The following TNNI3K variants were observed in gnomAD, a reference collection of about 807,000 sequenced individuals.
The protein encoded by TNNI3K is serine/threonine-protein kinase TNNI3K.
A neutral mutation model predicts 114.5 loss-of-function variants in TNNI3K; 140 were observed. That is an observed-to-expected ratio of 1.22 (90% CI 1.07 to 1.41). TNNI3K has a LOEUF of 1.41. Ranked by LOEUF, TNNI3K falls within the 40% of genes most tolerant of loss-of-function variation. The pLI is 0.00. For synonymous variants in TNNI3K, 347 were observed against 347.5 expected (o/e 1.00, Z 0.02); for missense variants, 1,125 against 1,007.6 (o/e 1.12, Z -1.58).
intron 23 of TNNI3K, among the ~76,000 whole-genome samples, chr1:74,494,413 T>C (rs916230053): frequency 6.6e-6 from 1 of 152,124 alleles, no homozygotes; most frequent in African/African-American, 2.4e-5. Flanking sequence ...TGTCATGAAA[T>C]TAAGTATTAG....
chr1:74,354,233 C>G lies in TNNI3K; in HGVS notation c.1177+104C>G, dbSNP rs957453250. On this transcript the variant is annotated intron_variant, in intron 11 of 24. Coordinates refer to ENST00000326637, the MANE Select transcript of TNNI3K (RefSeq NM_015978.3). ...TTTGCTTGCATGACTTGAACACTCT[C>G]ATTTCTTCTGTAGATTTTACTTGAG... 3.3e-6 allele frequency: 5 copies of G among 1,527,678 alleles called. 1 individual carries two copies. In the Admixed American group the frequency reaches 9.7e-5, roughly 30 times the overall value. The allele number at this position is 1,527,678 out of a possible 1,614,324, so 94.6% of individuals were successfully genotyped here.
chr1:74,475,158 A>ACT (rs58420581), intron 21 of TNNI3K: 1 of 548,654 alleles, frequency 1.8e-6, no homozygotes, highest in Non-Finnish European at 3.2e-6. Context: ...ACACACACAC[A>ACT]GTATTTTTAG....
At chr1:74,289,449 C>G (rs557444283) in intron 5 of TNNI3K, among the ~76,000 whole-genome samples, 8 of 151,982 alleles carry the variant, frequency 5.3e-5, no homozygotes, top group Middle Eastern at 3.4e-3. Flanking sequence ...ATTTATGCCA[C>G]TCTACAAAAA....
chr1:74,402,390 T>TGAAAAA (rs2100593277), intron 17 of TNNI3K, among the ~76,000 whole-genome samples: 1 of 152,300 alleles, frequency 6.6e-6, no homozygotes, highest in South Asian at 2.1e-4. Context: ...CAAAACCCAC[T>TGAAAAA]GAAAAAAATG....
At chr1:74,512,525 C>T (rs1394340398) in intron 23 of TNNI3K, 1 of 152,166 alleles carries the variant, frequency 6.6e-6, no homozygotes, top group African/African-American at 2.4e-5. Context: ...AATTAACTTA[C>T]CCAAAGGTCT....
chr1:74,271,480 T>G, intron 4 of TNNI3K, 118 bp from the exon 5 acceptor site: 1 of 897,290 alleles, frequency 1.1e-6, no homozygotes, highest in Non-Finnish European at 1.7e-6. Flanking sequence ...GAAATCACAC[T>G]TAAGTTTCCT....
intron 21 of TNNI3K, among the ~76,000 whole-genome samples, chr1:74,465,994 A>G (rs1394463816): frequency 6.6e-6 from 1 of 152,156 alleles, no homozygotes; most frequent in East Asian, 1.9e-4. Context: ...CTTAGCGATA[A>G]GTCTTGCTGA....
intron 23 of TNNI3K, among the ~76,000 whole-genome samples, chr1:74,505,924 T>C (rs1028868173): frequency 6.6e-6 from 1 of 152,186 alleles, no homozygotes; most frequent in South Asian, 2.1e-4. Flanking sequence ...TACAAAAAAT[T>C]TACTAGTGGA....
intron 23 of TNNI3K, among the ~76,000 whole-genome samples, chr1:74,510,865 A>G (rs1185692607): frequency 6.6e-6 from 1 of 152,236 alleles, no homozygotes; most frequent in Non-Finnish European, 1.5e-5. Flanking sequence ...ATTCTTGTAT[A>G]AAGAGTTTTA....
At chr1:74,334,563 T>G (rs1484707509) in intron 6 of TNNI3K, among the ~76,000 whole-genome samples, 1 of 152,188 alleles carries the variant, frequency 6.6e-6, no homozygotes, top group East Asian at 1.9e-4. Context: ...AGAAGTTATT[T>G]GGAAAGTTCT....
At chr1:74,438,706 C>A (rs1247679479) in intron 19 of TNNI3K, among the ~76,000 whole-genome samples, 2 of 152,062 alleles carry the variant, frequency 1.3e-5, no homozygotes, top group African/African-American at 2.4e-5. Flanking sequence ...TATGCATTTG[C>A]ATCCCAGAAT....
intron 2 of TNNI3K, chr1:74,240,538 A>G (rs1207940086): frequency 6.6e-6 from 1 of 152,210 alleles, no homozygotes; most frequent in Non-Finnish European, 1.5e-5. Context: ...TATCATATTC[A>G]TAATCTTGGT....
intron 5 of TNNI3K, among the ~76,000 whole-genome samples, chr1:74,317,437 T>G (rs1175119766): frequency 1.3e-5 from 2 of 152,228 alleles, no homozygotes; most frequent in African/African-American, 4.8e-5. Context: ...ATTTCCACTT[T>G]AGAAATAAGA....
chr1:74,421,726 G>A (rs1296856843), intron 17 of TNNI3K, among the ~76,000 whole-genome samples: 1 of 151,980 alleles, frequency 6.6e-6, no homozygotes, highest in Non-Finnish European at 1.5e-5. Context: ...TCTGGCAGGG[G>A]TAAAGACATA....
intron 3 of TNNI3K, among the ~76,000 whole-genome samples, chr1:74,250,184 C>A (rs961559650): frequency 2.6e-5 from 4 of 152,138 alleles, no homozygotes; most frequent in African/African-American, 7.2e-5. Context: ...TAACCATATT[C>A]CTTAACCATT....
At chr1:74,525,718 C>G (rs1514177) in intron 23 of TNNI3K, among the ~76,000 whole-genome samples, 74,205 of 151,968 alleles carry the variant, frequency 0.49, 18,896 homozygotes, top group Non-Finnish European at 0.57. Context: ...TGGATGTGCA[C>G]AAGGCCACAG....
intron 5 of TNNI3K, among the ~76,000 whole-genome samples, chr1:74,298,603 G>A (rs529587912): frequency 7.2e-5 from 11 of 152,148 alleles, no homozygotes; most frequent in African/African-American, 2.4e-4. Flanking sequence ...ATCATCTTCT[G>A]CTGTAGGTTT....
At position 74,457,503 on chromosome 1, in the gene TNNI3K, G is replaced by A. The variant is rs559565765; in HGVS notation, c.2012-5938G>A. 3.9e-5 allele frequency among the ~76,000 whole-genome samples: 6 copies of A among 152,196 alleles called. No individual in the cohort carries two copies. The South Asian group carries it at 1.2e-3, about 32-fold the overall frequency. On this transcript the variant is annotated intron_variant, in intron 20 of 24. Coordinates refer to ENST00000326637, the MANE Select transcript of TNNI3K (RefSeq NM_015978.3). ...AAGAATGTGTCTTAGCTCTTGCTGG[G>A]ATTGTAGAACACATTTGCTTTGTCT... is the stretch of plus-strand genomic sequence containing the variant.
At chr1:74,526,115 G>T (rs755142627) in intron 23 of TNNI3K, among the ~76,000 whole-genome samples, 7 of 152,190 alleles carry the variant, frequency 4.6e-5, no homozygotes, top group Non-Finnish European at 7.3e-5. Flanking sequence ...GGTTTGTGAA[G>T]ATCAATGTTC....
Sources: allele counts gnomAD v4.1 joint callset (sites outside exome capture counted in the v4.1 genomes callset), GRCh38; gene constraint gnomAD v4.1.1; transcripts MANE v1.5; gene names NCBI Gene and HGNC (gene_info 2026-07-23, HGNC 2026-07-21).